Variants in USP28 observed in about 807,000 individuals in gnomAD.
The protein encoded by USP28 is ubiquitin carboxyl-terminal hydrolase 28.
USP28 carries 113 observed loss-of-function variants against 145.0 expected under a neutral mutation model. That is an observed-to-expected ratio of 0.78 (90% CI 0.67 to 0.91). USP28 has a LOEUF of 0.91. USP28 is among the 40% of genes least tolerant of loss of function. The probability of loss-of-function intolerance (pLI) is 0.00; values close to 1 mark genes in which losing one functional copy is unlikely to be tolerated. For missense variants in USP28, 1,201 were observed against 1,289.6 expected (o/e 0.93, Z 1.05); for synonymous variants, 447 against 450.9 (o/e 0.99, Z 0.11).
intron 22 of USP28, 92 bp downstream of exon 23, chr11:113,803,706 T>C (rs577431760): frequency 8.8e-4 from 899 of 1,018,666 alleles, no homozygotes; most frequent in Non-Finnish European, 1.2e-3. Context: ...AGGGAGGTTA[T>C]GCATGGCTGT....
intron 6 of USP28, 117 bp downstream of exon 6, chr11:113,834,132 C>A: frequency 2.9e-6 from 2 of 679,818 alleles, no homozygotes; most frequent in East Asian, 2.8e-5. Context: ...GAAATGAAAA[C>A]AAATAATTAG....
chr11:113,806,384 C>A (rs1364273345), intron 19 of USP28, 105 bp downstream of exon 20: 12 of 922,706 alleles, frequency 1.3e-5, no homozygotes, highest in African/African-American at 3.3e-5. Context: ...CATGCACACA[C>A]CACCACACCC....
rs139954573 is a variant in USP28 at position 113,852,853 on chromosome 11, C to G, written c.136-220G>C. Among the ~76,000 whole-genome samples, 1,213 of 152,234 alleles carry G rather than the reference C, an allele frequency of 8.0e-3. 9 individuals carry two copies. The highest frequency in any genetic ancestry group is 0.012 in the Non-Finnish European group (807 of 68,010). On this transcript the variant is annotated intron_variant, in intron 2 of 24. Transcript: ENST00000003302. Reference sequence around the variant, plus strand: ...GTTTCCATGCTCTGACTTCCCACAACACCCAAACAAAAGTGAAATCTTGAT... The same window carrying G: ...GTTTCCATGCTCTGACTTCCCACAAGACCCAAACAAAAGTGAAATCTTGAT...
chr11:113,829,690 T>G (rs1943766465), intron 9 of USP28, among the ~76,000 whole-genome samples: 1 of 152,040 alleles, frequency 6.6e-6, no homozygotes, highest in Non-Finnish European at 1.5e-5. Context: ...CCGGGTGCAG[T>G]AACACACGCC....
chr11:113,868,421 A>ATTATTAG (rs1555094517), intron 1 of USP28, among the ~76,000 whole-genome samples: 2 of 151,906 alleles, frequency 1.3e-5, no homozygotes, highest in African/African-American at 4.8e-5. Flanking sequence ...AGTTATTAAA[A>ATTATTAG]TTATTAAAGT....
chr11:113,826,919 C>CA (rs201039687), intron 11 of USP28, among the ~76,000 whole-genome samples: 9,918 of 99,772 alleles, frequency 0.099, 739 homozygotes, highest in East Asian at 0.46. Context: ...AACTCTGTCT[C>CA]AAAAAAAAAA....
chr11:113,814,983 C>T (rs1385623425), intron 14 of USP28, among the ~76,000 whole-genome samples, 191 bp downstream of exon 14: 1 of 151,848 alleles, frequency 6.6e-6, no homozygotes, highest in Non-Finnish European at 1.5e-5. Context: ...ACCCGGAAGG[C>T]GGAGGTTTCA....
intron 3 of USP28, among the ~76,000 whole-genome samples, chr11:113,842,566 C>G (rs1357917595): frequency 6.9e-6 from 1 of 145,928 alleles, no homozygotes; most frequent in Non-Finnish European, 1.5e-5. Flanking sequence ...GCCTAGGCAA[C>G]AGAGTGAGAC....
At chr11:113,875,528 C>G in exon 1 of USP28, 2 of 1,147,706 alleles carry the variant, frequency 1.7e-6, no homozygotes, top group Non-Finnish European at 2.1e-6. Flanking sequence ...CGCGGGTCAC[C>G]GGTCTCCCGC....
At chr11:113,799,319 T>C (rs759286787) in exon 25 of USP28, 55 of 1,614,080 alleles carry the variant, frequency 3.4e-5, no homozygotes, top group Middle Eastern at 1.6e-4. Flanking sequence ...ATAGGGAGAA[T>C]TGGGTCGAAT....
At chr11:113,856,258 C>A (rs1324411853) in intron 1 of USP28, among the ~76,000 whole-genome samples, 1 of 152,022 alleles carries the variant, frequency 6.6e-6, no homozygotes, top group Admixed American at 6.5e-5. Flanking sequence ...TCTAAAAGAT[C>A]AACATCAATA....
chr11:113,826,843 C>T (rs537919507), intron 11 of USP28, among the ~76,000 whole-genome samples: 100 of 149,890 alleles, frequency 6.7e-4, no homozygotes, highest in Non-Finnish European at 1.1e-3. Context: ...CACTTGAACC[C>T]GGGAAGCAGA....
At chr11:113,807,621 A>C (rs751051217) in intron 18 of USP28, among the ~76,000 whole-genome samples, 35 of 152,208 alleles carry the variant, frequency 2.3e-4, no homozygotes, top group Admixed American at 5.9e-4. Flanking sequence ...ATATCCAAAA[A>C]AAAGATTCCC....
intron 3 of USP28, among the ~76,000 whole-genome samples, chr11:113,849,490 G>A (rs1234142851): frequency 6.6e-6 from 1 of 151,186 alleles, no homozygotes; most frequent in African/African-American, 2.4e-5. Flanking sequence ...ACTCACTTAT[G>A]GGCAGTGGCC....
exon 25 of USP28, chr11:113,799,356 T>G: frequency 6.2e-7 from 1 of 1,614,212 alleles, no homozygotes; most frequent in Non-Finnish European, 8.5e-7. Context: ...AAGACGATGA[T>G]TTCTGCAGAA....
chr11:113,845,403 T>A (rs1945712171), intron 3 of USP28, among the ~76,000 whole-genome samples: 1 of 150,588 alleles, frequency 6.6e-6, no homozygotes, highest in East Asian at 2.0e-4. Flanking sequence ...GCCACTGCAC[T>A]CCAACCTGGG....
intron 1 of USP28, among the ~76,000 whole-genome samples, chr11:113,868,483 C>A (rs563567591): frequency 4.6e-5 from 7 of 152,220 alleles, no homozygotes; most frequent in Non-Finnish European, 8.8e-5. Context: ...AAGGCTTGTA[C>A]TAAAGTCGGA....
chr11:113,829,388 C>A (rs1489318698), intron 9 of USP28, 43 bp from the exon 10 acceptor site: 1 of 1,604,484 alleles, frequency 6.2e-7, no homozygotes, highest in Non-Finnish European at 8.5e-7. Flanking sequence ...ATCACTATGA[C>A]TATCTAAAGC....
chr11:113,806,638 A>G, intron 18 of USP28, 54 bp from the exon 20 acceptor site: 1 of 1,303,400 alleles, frequency 7.7e-7, no homozygotes, highest in Non-Finnish European at 1.1e-6. Flanking sequence ...AAGGTTCAGC[A>G]GAAGACTGTA....
Sources: gnomAD v4.1 joint callset for allele counts (sites outside exome capture counted in the v4.1 genomes callset) on GRCh38, gnomAD v4.1.1 for gene constraint, MANE v1.5 for transcripts, NCBI Gene and HGNC (gene_info 2026-07-23, HGNC 2026-07-21) for gene names.